The following RGSL1 variants were observed in gnomAD, a reference collection of about 807,000 sequenced individuals.
RGSL1 encodes the protein regulator of G protein signaling like 1, also known as regulator of G protein signaling protein-like.
In RGSL1, 97 loss-of-function variants were observed where a neutral mutation model predicts 124.7. The observed-to-expected ratio is 0.78, with a 90% CI of 0.66 to 0.92. The LOEUF (loss-of-function observed/expected upper bound fraction) is 0.92. Among genes scored for constraint, RGSL1 ranks in the 40% least tolerant of loss-of-function variants. RGSL1 has a pLI of 0.00. For missense variants in RGSL1, 1,233 were observed against 1,288.4 expected (o/e 0.96, Z 0.66); for synonymous variants, 424 against 438.1 (o/e 0.97, Z 0.40).
chr1:182,461,313 G>GTAATAA (rs35515032), intron 4 of RGSL1, among the ~76,000 whole-genome samples: 1,792 of 150,596 alleles, frequency 0.012, 45 homozygotes, highest in African/African-American at 0.041. Flanking sequence ...ATATCCTACA[G>GTAATAA]TAATAATAAT....
At chr1:182,557,778 T>C (rs984913439) in intron 21 of RGSL1, among the ~76,000 whole-genome samples, 1 of 152,228 alleles carries the variant, frequency 6.6e-6, no homozygotes, top group Admixed American at 6.5e-5. Context: ...AAATCTTCTC[T>C]TTTGTTAAGT....
chr1:182,448,671 G>A (rs1010551312), upstream of RGSL1, among the ~76,000 whole-genome samples: 4 of 152,112 alleles, frequency 2.6e-5, no homozygotes, highest in African/African-American at 9.7e-5. Context: ...CTGTCAATAA[G>A]GTAATTCTTA....
intron 14 of RGSL1, among the ~76,000 whole-genome samples, chr1:182,538,961 G>C (rs979895991): frequency 1.3e-5 from 2 of 152,184 alleles, no homozygotes; most frequent in African/African-American, 2.4e-5. Context: ...TGACTAATTG[G>C]ATGTGGAAAG....
At chr1:182,498,407 T>C (rs1485567059) in intron 9 of RGSL1, among the ~76,000 whole-genome samples, 2 of 152,214 alleles carry the variant, frequency 1.3e-5, no homozygotes, top group Non-Finnish European at 2.9e-5. Flanking sequence ...GAATGATGCT[T>C]AAAAGCCAAA....
chr1:182,529,915 C>G (rs1389197950), intron 11 of RGSL1, among the ~76,000 whole-genome samples: 4 of 152,134 alleles, frequency 2.6e-5, no homozygotes, highest in Non-Finnish European at 5.9e-5. Flanking sequence ...AACTATAATC[C>G]TTTACCCTTC....
chr1:182,489,825 A>G (rs1655387320), intron 8 of RGSL1, among the ~76,000 whole-genome samples: 1 of 152,238 alleles, frequency 6.6e-6, no homozygotes, highest in African/African-American at 2.4e-5. Context: ...TGTGCAGGTG[A>G]CCTGAGATCA....
intron 17 of RGSL1, 58 bp downstream of exon 17, chr1:182,548,882 G>A (rs1660392105): frequency 1.3e-6 from 2 of 1,536,866 alleles, no homozygotes; most frequent in East Asian, 2.5e-5. Context: ...TTAGTTTGGA[G>A]AGAGTTTTCT....
chr1:182,516,664 G>A lies in RGSL1; in HGVS notation c.1826-5340G>A, dbSNP rs140735907. On this transcript the variant is annotated intron_variant, in intron 9 of 21. Coordinates refer to ENST00000294854, the MANE Select transcript of RGSL1 (RefSeq NM_001137669.2). ...CTTACAAAAAACATCTTATAGATAC[G>A]TTATTTTATAAAGAAGTTAATCTAT... 7.5e-3 allele frequency among the ~76,000 whole-genome samples: 1,132 copies of A among 151,530 alleles called. 15 individuals are homozygous for A. The highest frequency in any genetic ancestry group is 0.031 in the Middle Eastern group (9 of 294).
At chr1:182,470,552 T>C (rs1653749054) in intron 4 of RGSL1, among the ~76,000 whole-genome samples, 1 of 152,198 alleles carries the variant, frequency 6.6e-6, no homozygotes. Context: ...ACAAATCTTG[T>C]CTCCTCATTG....
rs1284939492 is a variant in RGSL1, at chr1:182,548,408, A to G, written c.2761A>G (p.Ile921Val). The G allele has an allele frequency of 5.2e-6, 8 of 1,551,680 alleles. No individual in the cohort carries two copies. The Admixed American group carries it at 1.4e-4, about 27-fold the overall frequency. The change falls in exon 16 of 22, where the codon ATT becomes GTT. Residue 921 changes from isoleucine (I) to valine (V), a missense_variant. Coordinates refer to ENST00000294854, the MANE Select transcript of RGSL1 (RefSeq NM_001137669.2). ...GATCCTAATGCGGTCCAAAATGAAC[A>G]TTATCCAAAAACTCTTCCTGAATTC... is the stretch of plus-strand genomic sequence containing the variant. ...DVILMRSKMN[I>V]IQKLFLNSDI...
At chr1:182,479,984 C>T (rs1654572055) in intron 6 of RGSL1, among the ~76,000 whole-genome samples, 1 of 152,140 alleles carries the variant, frequency 6.6e-6, no homozygotes, top group South Asian at 2.1e-4. Context: ...ATATATAAAG[C>T]AAACATTGAC....
intron 6 of RGSL1, among the ~76,000 whole-genome samples, chr1:182,485,989 T>C (rs1424550367): frequency 1.3e-5 from 2 of 152,164 alleles, no homozygotes; most frequent in African/African-American, 4.8e-5. Context: ...AGCCCATATA[T>C]CATAAAATAT....
chr1:182,509,641 G>C (rs1217427635), intron 9 of RGSL1, among the ~76,000 whole-genome samples: 23 of 119,472 alleles, frequency 1.9e-4, no homozygotes, highest in Non-Finnish European at 3.7e-4. Flanking sequence ...CTCACCTCCC[G>C]GACGGGGCGG....
At chr1:182,554,788 A>G in intron 20 of RGSL1, 95 bp downstream of exon 20, 1 of 1,193,038 alleles carries the variant, frequency 8.4e-7, no homozygotes, top group East Asian at 2.6e-5. Flanking sequence ...GACTAGCCTC[A>G]TACCCTGCCT....
intron 4 of RGSL1, among the ~76,000 whole-genome samples, chr1:182,461,962 G>T (rs79253269): frequency 6.6e-6 from 1 of 152,068 alleles, no homozygotes; most frequent in Admixed American, 6.6e-5. Context: ...AATATATAAT[G>T]GCTAAAAACC....
intron 8 of RGSL1, among the ~76,000 whole-genome samples, chr1:182,490,818 T>G (rs1353150980): frequency 6.6e-6 from 1 of 152,204 alleles, no homozygotes; most frequent in Non-Finnish European, 1.5e-5. Context: ...ATAAAGGGCC[T>G]TCTTTGCATT....
intron 6 of RGSL1, among the ~76,000 whole-genome samples, chr1:182,475,581 C>T (rs1160876394): frequency 6.6e-6 from 1 of 152,046 alleles, no homozygotes; most frequent in African/African-American, 2.4e-5. Flanking sequence ...TGGAGTGGGA[C>T]ACTTACTTGG....
chr1:182,523,536 T>G (rs1658512728), intron 10 of RGSL1, among the ~76,000 whole-genome samples: 1 of 152,182 alleles, frequency 6.6e-6, no homozygotes, highest in African/African-American at 2.4e-5. Flanking sequence ...CCAATTTACT[T>G]AAGCATGAAT....
At chr1:182,475,637 A>C (rs1206788502) in intron 6 of RGSL1, among the ~76,000 whole-genome samples, 1 of 152,104 alleles carries the variant, frequency 6.6e-6, no homozygotes, top group East Asian at 1.9e-4. Context: ...GTTCACAGTG[A>C]TCTAGTTTGG....
Sources: gnomAD v4.1 joint callset for allele counts (sites outside exome capture counted in the v4.1 genomes callset) on GRCh38, gnomAD v4.1.1 for gene constraint, MANE v1.5 for transcripts, NCBI Gene and HGNC (gene_info 2026-07-23, HGNC 2026-07-21) for gene names.